Variants in PTK2 observed in about 807,000 individuals in gnomAD.
PTK2 encodes the protein focal adhesion kinase 1.
Under a neutral mutation model 150.1 loss-of-function variants are expected in PTK2, and 45 were observed. The ratio of observed to expected loss-of-function variants is 0.30; its 90% confidence interval spans 0.24 to 0.38. The LOEUF (loss-of-function observed/expected upper bound fraction) is 0.38. Among genes scored for constraint, PTK2 ranks in the 10% least tolerant of loss-of-function variants. The pLI is 1.00. For missense variants in PTK2, 919 were observed against 1,307.3 expected, an observed-to-expected ratio of 0.70 and a Z score of 4.58; for synonymous variants, 432 against 449.2, an observed-to-expected ratio of 0.96 and a Z score of 0.48.
At chr8:140,908,932 TGGGCC>T (rs1489585674) in intron 2 of PTK2, among the ~76,000 whole-genome samples, 1 of 152,180 alleles carries the variant, frequency 6.6e-6, no homozygotes, top group African/African-American at 2.4e-5. Flanking sequence ...TACATGAAAC[TGGGCC>T]GGGCACAGTG....
intron 27 of PTK2, among the ~76,000 whole-genome samples, chr8:140,679,964 G>A (rs2100016103): frequency 1.3e-5 from 2 of 152,202 alleles, no homozygotes; most frequent in South Asian, 4.1e-4. Context: ...ACAGTCCCCA[G>A]GAAGGCAGTG....
chr8:140,937,408 A>C (rs2100174020), intron 1 of PTK2, among the ~76,000 whole-genome samples: 1 of 152,134 alleles, frequency 6.6e-6, no homozygotes, highest in Admixed American at 6.5e-5. Flanking sequence ...ATATGAGAGA[A>C]TGAAAGTTTA....
chr8:140,782,369 T>G (rs2100082289), intron 14 of PTK2, among the ~76,000 whole-genome samples: 1 of 151,660 alleles, frequency 6.6e-6, no homozygotes, highest in Non-Finnish European at 1.5e-5. Flanking sequence ...CTCAGCCTTC[T>G]GAGTAGCTGG....
At chr8:140,926,283 T>C (rs979685816) in intron 1 of PTK2, among the ~76,000 whole-genome samples, 6 of 152,130 alleles carry the variant, frequency 3.9e-5, no homozygotes, top group African/African-American at 9.7e-5. Flanking sequence ...AAGTAACATA[T>C]CTAATATTAA....
intron 12 of PTK2, among the ~76,000 whole-genome samples, chr8:140,796,955 T>C (rs1443851891): frequency 1.3e-5 from 2 of 152,192 alleles, no homozygotes; most frequent in Non-Finnish European, 2.9e-5. Flanking sequence ...TATTACATCA[T>C]GTATGCATAC....
chr8:140,931,844 G>A (rs1230036851), intron 1 of PTK2, among the ~76,000 whole-genome samples: 2 of 150,340 alleles, frequency 1.3e-5, no homozygotes, highest in Non-Finnish European at 2.9e-5. Context: ...GAGGTGGGAG[G>A]GCTGTTTGAG....
chr8:140,781,571 C>CA (rs1357799600), intron 14 of PTK2, among the ~76,000 whole-genome samples: 3 of 152,064 alleles, frequency 2.0e-5, no homozygotes, highest in African/African-American at 4.8e-5. Context: ...TTTATAAAAA[C>CA]AAAAATCCAC....
intron 3 of PTK2, among the ~76,000 whole-genome samples, chr8:140,886,534 C>A (rs1267708815): frequency 6.6e-6 from 1 of 152,178 alleles, no homozygotes; most frequent in Non-Finnish European, 1.5e-5. Flanking sequence ...AGGTACAAGA[C>A]AGCATACAAG....
At chr8:140,726,296 G>A (rs75300068) in intron 22 of PTK2, among the ~76,000 whole-genome samples, 1,839 of 152,204 alleles carry the variant, frequency 0.012, 12 homozygotes, top group Non-Finnish European at 0.019. Flanking sequence ...CTTAACACAC[G>A]TGCGACTGGA....
chr8:140,685,225 C>T (rs753809714), intron 27 of PTK2, among the ~76,000 whole-genome samples: 101 of 152,128 alleles, frequency 6.6e-4, no homozygotes, highest in Non-Finnish European at 1.6e-4. Flanking sequence ...CTTCCTTACA[C>T]CATATACAAA....
Position 140,686,701 on chromosome 8 carries a change from A to C in PTK2, c.2500-7T>G, listed in dbSNP as rs1437533163. On this transcript the variant is annotated splice_region_variant and splice_polypyrimidine_tract_variant and intron_variant, in intron 26 of 31. Coordinates refer to ENST00000522684, the Ensembl canonical transcript of PTK2. The stretch of plus-strand genomic sequence containing the variant: ...AGAGTCTCACATCAGGTTTCTGAAG[A>C]AATTAAAACAAAATCAAAACAATTT... 29 of 1,609,472 alleles carry C rather than the reference A, an allele frequency of 1.8e-5. No homozygotes were observed. Among genetic ancestry groups the C allele is most frequent in the Non-Finnish European group, 2.5e-5 (29 of 1,176,596 alleles).
At chr8:140,957,132 A>G (rs1363556580) in intron 1 of PTK2, among the ~76,000 whole-genome samples, 1 of 152,172 alleles carries the variant, frequency 6.6e-6, no homozygotes, top group African/African-American at 2.4e-5. Context: ...CTCATAGAAT[A>G]TGGATATAAA....
intron 4 of PTK2, among the ~76,000 whole-genome samples, chr8:140,869,875 A>C (rs1338479247): frequency 6.9e-6 from 1 of 145,340 alleles, no homozygotes; most frequent in African/African-American, 2.6e-5. Flanking sequence ...CAGAATTACT[A>C]AAAAAAAAAA....
At chr8:140,891,217 G>A (rs988410647) in intron 2 of PTK2, among the ~76,000 whole-genome samples, 2 of 151,978 alleles carry the variant, frequency 1.3e-5, no homozygotes, top group African/African-American at 2.4e-5. Flanking sequence ...ATATATACTA[G>A]GCATTGGTGA....
chr8:140,810,957 C>T (rs1309185637), intron 10 of PTK2, among the ~76,000 whole-genome samples: 2 of 152,314 alleles, frequency 1.3e-5, no homozygotes, highest in Non-Finnish European at 2.9e-5. Context: ...CAACAGGCAA[C>T]CCCCCACCCA....
At chr8:140,805,570 G>GA (rs202135461) in intron 10 of PTK2, among the ~76,000 whole-genome samples, 1 of 145,942 alleles carries the variant, frequency 6.9e-6, no homozygotes, top group African/African-American at 2.6e-5. Context: ...AAAAAGAAGA[G>GA]AAAAAAAAGA....
At chr8:140,664,701 T>G (rs1016698308) in intron 31 of PTK2, among the ~76,000 whole-genome samples, 4 of 152,142 alleles carry the variant, frequency 2.6e-5, no homozygotes, top group African/African-American at 9.7e-5. Context: ...GGATCTGGAA[T>G]TTGAGTGGCC....
exon 32 of PTK2, chr8:140,658,946 T>C (rs549448218): frequency 4.4e-6 from 1 of 224,986 alleles, no homozygotes; most frequent in East Asian, 6.5e-5. Flanking sequence ...TTTATATTCT[T>C]TGTAAAGTGG....
chr8:140,728,181 C>T (rs1380176660), intron 22 of PTK2, among the ~76,000 whole-genome samples: 1 of 145,818 alleles, frequency 6.9e-6, no homozygotes, highest in East Asian at 2.0e-4. Flanking sequence ...GCCTAGATGA[C>T]AGTGTGAGAC....
Sources: gnomAD v4.1 joint callset for allele counts (sites outside exome capture counted in the v4.1 genomes callset) on GRCh38, gnomAD v4.1.1 for gene constraint, MANE v1.5 for transcripts, NCBI Gene and HGNC (gene_info 2026-07-23, HGNC 2026-07-21) for gene names.